CD82: variants seen among roughly 807,000 people sequenced by gnomAD.
CD82 encodes CD82 antigen.
Under a neutral mutation model 37.4 loss-of-function variants are expected in CD82, and 36 were observed. The ratio of observed to expected loss-of-function variants is 0.96; its 90% CI spans 0.74 to 1.27. The LOEUF is 1.27. Ranked by LOEUF, CD82 falls within the 50% of genes most tolerant of loss-of-function variation. CD82 has a pLI of 0.00. For synonymous variants in CD82, 158 were observed against 137.4 expected, an observed-to-expected ratio of 1.15 and a Z score of -1.05; for missense variants, 340 against 347.0, an observed-to-expected ratio of 0.98 and a Z score of 0.16.
chr11:44,605,805 G>A (rs527478136), intron 6 of CD82, among the ~76,000 whole-genome samples: 91 of 152,152 alleles, frequency 6.0e-4, no homozygotes, highest in Non-Finnish European at 1.1e-3. Context: ...ATAGCGCATG[G>A]CACCATAAGT....
rs1164827155 is a variant in CD82 at position 44,619,915 on chromosome 11, G to A, written c.*789G>A. 2 of 152,158 alleles carry A rather than the reference G, an allele frequency of 1.3e-5. No homozygotes were observed. Among genetic ancestry groups the A allele is most frequent in the Admixed American group, 6.5e-5 (1 of 15,276 alleles). The allele number at this position is 152,158 out of a possible 1,614,324, so 9.4% of individuals were successfully genotyped here. On this transcript the variant is annotated 3_prime_UTR_variant, in exon 10 of 10. Coordinates refer to ENST00000227155, the MANE Select transcript of CD82 (RefSeq NM_002231.4). ...TTTCACAATTATATTGAAGGCAGTG[G>A]GAGAGGGGAGAGGGTGGGTTTTACC...
In CD82 at chr11:44,619,717, T is replaced by C. The variant is rs1204009952; in HGVS notation, c.*591T>C. On this transcript the variant is annotated 3_prime_UTR_variant, in exon 10 of 10. Transcript: ENST00000227155. ...GAGCGGAGGTTGCAGTGAGCTGAGA[T>C]CGTGCTACTGCACTCCAGCCTGGGG... 7.5e-6 allele frequency: 1 copy of C among 133,234 alleles called. No individual in the cohort carries two copies. Among genetic ancestry groups the C allele is most frequent in the Non-Finnish European group, 1.5e-5 (1 of 65,702 alleles). The allele number at this position is 133,234 out of a possible 1,614,324, so 8.3% of individuals were successfully genotyped here.
chr11:44,569,055 G>C (rs1466733472), intron 1 of CD82, among the ~76,000 whole-genome samples: 1 of 152,256 alleles, frequency 6.6e-6, no homozygotes, highest in Non-Finnish European at 1.5e-5. Context: ...GAGGTGGGAA[G>C]GGAGGGAAGA....
At position 44,600,150 on chromosome 11, in the gene CD82, C is replaced by G. The variant is rs373431121; in HGVS notation, c.64-8C>G. On this transcript the variant is annotated splice_region_variant and splice_polypyrimidine_tract_variant and intron_variant, in intron 3 of 9. Coordinates refer to ENST00000227155, the MANE Select transcript of CD82 (RefSeq NM_002231.4). The stretch of plus-strand genomic sequence containing the variant: ...GGCTCCCCATTAACTGCTCCCTTCT[C>G]CTTCCAGATCCTGGGCGCAGTGATC... 8 of 1,613,812 alleles carry G rather than the reference C, an allele frequency of 5.0e-6. No homozygotes were observed. The highest frequency in any genetic ancestry group is 6.8e-6 in the Non-Finnish European group (8 of 1,179,870).
At chr11:44,579,622 G>C (rs1387299032) in intron 1 of CD82, among the ~76,000 whole-genome samples, 1 of 152,146 alleles carries the variant, frequency 6.6e-6, no homozygotes, top group East Asian at 1.9e-4. Flanking sequence ...GGCCCAGGGA[G>C]CCCTGGGGAG....
Position 44,594,659 on chromosome 11 carries a change from C to T in CD82, c.-4C>T, listed in dbSNP as rs200238062. 2.0e-4 allele frequency: 321 copies of T among 1,612,688 alleles called. No homozygotes were observed. The highest frequency in any genetic ancestry group is 2.7e-4 in the African/African-American group (20 of 75,002). On this transcript the variant is annotated 5_prime_UTR_variant, in exon 3 of 10. Coordinates refer to ENST00000227155, the MANE Select transcript of CD82 (RefSeq NM_002231.4). The stretch of plus-strand genomic sequence containing the variant: ...CTCTTCCAGGAAGCTCCAGGACTGG[C>T]GGGATGGGCTCAGCCTGTATCAAAG...
At chr11:44,592,488 AAAG>A (rs1309399826) in intron 2 of CD82, among the ~76,000 whole-genome samples, 3 of 152,232 alleles carry the variant, frequency 2.0e-5, no homozygotes, top group East Asian at 1.9e-4. Context: ...CCGTGGTAGG[AAAG>A]AAGAACAGAT....
chr11:44,603,421 G>A (rs1031410365), intron 4 of CD82, among the ~76,000 whole-genome samples: 13 of 152,200 alleles, frequency 8.5e-5, no homozygotes, highest in African/African-American at 3.1e-4. Flanking sequence ...GATCCCCAGG[G>A]AGTCGTGGCC....
At chr11:44,589,261 AAAC>A (rs1037229145) in intron 2 of CD82, among the ~76,000 whole-genome samples, 6 of 152,090 alleles carry the variant, frequency 3.9e-5, no homozygotes, top group Non-Finnish European at 8.8e-5. Context: ...GAGTGCCTCA[AAAC>A]AACCACCACC....
chr11:44,570,805 C>G lies in CD82; in HGVS notation c.-103+5069C>G, dbSNP rs142719667. Among the ~76,000 whole-genome samples the G allele has an allele frequency of 6.7e-3, 1,028 of 152,354 alleles. 12 individuals carry two copies. The highest frequency in any genetic ancestry group is 0.031 in the Middle Eastern group (9 of 294). On this transcript the variant is annotated intron_variant, in intron 1 of 9. Transcript: ENST00000227155. ...CACTCTGGCCTTTAGTGAACTCTGA[C>G]TCAGCCAGAAAGAGCATCTTGGAGT...
Position 44,615,391 on chromosome 11 carries a change from T to G in CD82, c.438+18T>G. 6.6e-7 allele frequency: 1 copy of G among 1,518,198 alleles called. No homozygotes were observed. Among genetic ancestry groups the G allele is most frequent in the Non-Finnish European group, 9.2e-7 (1 of 1,092,748 alleles). 94.0% of individuals were successfully genotyped at this position (1,518,198 alleles called of 1,614,324 possible). The stretch of plus-strand genomic sequence containing the variant: ...AGGCTCAGGTGAGGTGGGGCGGGGC[T>G]GCAGGAGGCTCTCTGGCCTGGGTGT... On this transcript the variant is annotated intron_variant, in intron 7 of 9. Coordinates refer to ENST00000227155, the MANE Select transcript of CD82 (RefSeq NM_002231.4).
At chr11:44,569,213 G>A (rs891358125) in intron 1 of CD82, among the ~76,000 whole-genome samples, 1 of 152,182 alleles carries the variant, frequency 6.6e-6, no homozygotes, top group Non-Finnish European at 1.5e-5. Context: ...AGTGAGTGGT[G>A]TGGGATGTGT....
At chr11:44,596,605 T>C (rs186715506) in intron 3 of CD82, among the ~76,000 whole-genome samples, 1 of 152,198 alleles carries the variant, frequency 6.6e-6, no homozygotes, top group Non-Finnish European at 1.5e-5. Context: ...TCCTTTTGGC[T>C]CCTCCAGGGG....
At chr11:44,610,185 G>A (rs879684780) in intron 6 of CD82, among the ~76,000 whole-genome samples, 5 of 152,178 alleles carry the variant, frequency 3.3e-5, no homozygotes, top group South Asian at 4.1e-4. Context: ...ACAGGAGCCC[G>A]AAAAGTTACC....
Position 44,605,103 on chromosome 11 carries a change from G to T in CD82, c.182G>T (p.Gly61Val), listed in dbSNP as rs1476696241. 6.2e-7 allele frequency: 1 copy of T among 1,614,204 alleles called. No homozygotes were observed. The highest frequency in any genetic ancestry group is 2.2e-5 in the East Asian group (1 of 44,860). ...AGGATGGGGGCCTATGTCTTCATCG[G>T]CGTGGGGGCAGTCACTATGCTCATG... ...SLRMGAYVFIGVGAVTMLMGF... is the reference protein window; with the variant it reads ...SLRMGAYVFIVVGAVTMLMGF... The change falls in exon 5 of 10, where the codon GGC becomes GTC. Residue 61 changes from glycine to valine, a missense_variant. Gly to Val is a moderately radical substitution (Grantham distance 109). Coordinates refer to ENST00000227155, the MANE Select transcript of CD82 (RefSeq NM_002231.4).
At chr11:44,608,257 C>T (rs532897995) in intron 6 of CD82, among the ~76,000 whole-genome samples, 1 of 152,198 alleles carries the variant, frequency 6.6e-6, no homozygotes, top group South Asian at 2.1e-4. Context: ...ATAGGGCTCC[C>T]GTGCAGGTGG....
intron 6 of CD82, among the ~76,000 whole-genome samples, chr11:44,611,551 A>C (rs927265360): frequency 6.6e-6 from 1 of 152,248 alleles, no homozygotes; most frequent in African/African-American, 2.4e-5. Context: ...CCTCAGCTCC[A>C]TGGAGAAATA....
chr11:44,614,981 C>G (rs956882825), intron 6 of CD82, among the ~76,000 whole-genome samples: 1 of 152,164 alleles, frequency 6.6e-6, no homozygotes. Context: ...GGGACAATGA[C>G]GGTGGGAACT....
At chr11:44,616,558 C>T (rs73458600) in intron 7 of CD82, among the ~76,000 whole-genome samples, 2,185 of 152,196 alleles carry the variant, frequency 0.014, 48 homozygotes, top group African/African-American at 0.05. Flanking sequence ...CTGCTTAGGC[C>T]GGTGGTAAGT....
Sources: gnomAD v4.1 joint callset for allele counts (sites outside exome capture counted in the v4.1 genomes callset) on GRCh38, gnomAD v4.1.1 for gene constraint, MANE v1.5 for transcripts, NCBI Gene and HGNC (gene_info 2026-07-23, HGNC 2026-07-21) for gene names.